The following ZC3H3 variants were observed in gnomAD, a reference collection of about 807,000 sequenced individuals.
The protein encoded by ZC3H3 is zinc finger CCCH-type containing 3.
A neutral mutation model predicts 77.3 loss-of-function variants in ZC3H3; 36 were observed. The ratio of observed to expected loss-of-function variants is 0.47; its 90% CI spans 0.36 to 0.61. ZC3H3 has a LOEUF of 0.61. Ranked by LOEUF, ZC3H3 falls within the 20% of genes least tolerant of loss-of-function variation. The pLI is 0.00. For missense variants in ZC3H3, 1,331 were observed against 1,312.2 expected (o/e 1.01, Z -0.22); for synonymous variants, 626 against 555.2 (o/e 1.13, Z -1.79).
chr8:143,541,210 G>A (rs1823002368), intron 1 of ZC3H3, among the ~76,000 whole-genome samples, 166 bp downstream of exon 1: 1 of 152,168 alleles, frequency 6.6e-6, no homozygotes, highest in Non-Finnish European at 1.5e-5. Flanking sequence ...GACTGACCCG[G>A]GCCCTGAGCC....
chr8:143,538,282 C>G lies in ZC3H3; in HGVS notation c.1085G>C (p.Arg362Thr). The change falls in exon 2 of 12, where the codon AGG (arginine) becomes ACG (threonine). Residue 362 changes from arginine (R) to threonine (T), a missense_variant. Physicochemically the swap from Arg to Thr is moderately conservative, Grantham distance 71. Around this residue, in one of 3 missense-constraint regions of ZC3H3, gnomAD observed 978 missense variants for 915.5 expected, o/e 1.07. Coordinates refer to ENST00000262577, the MANE Select transcript of ZC3H3 (RefSeq NM_015117.3). ...TGGCTTGGAGGACGTGGCTGGCTTCCTGGGCTTGGGCTCTGGGTCAGCTAT... is the reference window on the plus strand; with the variant it reads ...TGGCTTGGAGGACGTGGCTGGCTTCGTGGGCTTGGGCTCTGGGTCAGCTAT... The part of the protein sequence containing the change: ...QLIADPEPKP[R>T]KPATSSKPGS... The G allele has an allele frequency of 6.2e-7, 1 of 1,612,964 alleles. No homozygotes were observed. Among genetic ancestry groups the G allele is most frequent in the Non-Finnish European group, 8.5e-7 (1 of 1,180,016 alleles).
chr8:143,509,489 T>C (rs1469085109), intron 3 of ZC3H3, among the ~76,000 whole-genome samples: 1 of 152,154 alleles, frequency 6.6e-6, no homozygotes, highest in East Asian at 1.9e-4. Flanking sequence ...CTGCCAGCCA[T>C]GGGGCCGGGC....
chr8:143,525,234 G>C (rs765112143), intron 3 of ZC3H3, among the ~76,000 whole-genome samples: 1 of 152,270 alleles, frequency 6.6e-6, no homozygotes, highest in Non-Finnish European at 1.5e-5. Context: ...CCAGGAGCTG[G>C]TGACAGTACC....
chr8:143,475,545 C>T lies in ZC3H3; in HGVS notation c.1756G>A (p.Gly586Ser). Residue 586 changes from glycine (G) to serine (S), a missense_variant, in exon 5 of 12, where the codon GGT (glycine) becomes AGT (serine). By Grantham distance (56) the Gly-to-Ser change is moderately conservative. Transcript: ENST00000262577. ...GGGGAGCCCGGTTGGGCTTTCCCAC[C>T]CCCGCTGGCAACTGGACGCAGGCGG... is the stretch of plus-strand genomic sequence containing the variant. ...LNRLRPVASGGGKAQPGSPWW... is the reference protein window; with the variant it reads ...LNRLRPVASGSGKAQPGSPWW... 1.2e-6 allele frequency: 2 copies of T among 1,609,752 alleles called. No homozygotes were observed. The highest frequency in any genetic ancestry group is 2.2e-5 in the East Asian group (1 of 44,788).
chr8:143,468,714 T>C, intron 5 of ZC3H3, 55 bp from the exon 6 acceptor site: 1 of 1,519,612 alleles, frequency 6.6e-7, no homozygotes, highest in Admixed American at 2.3e-5. Context: ...CCGCACGCCC[T>C]TTCCCTGCTG....
At chr8:143,471,470 G>A (rs574131836) in intron 5 of ZC3H3, among the ~76,000 whole-genome samples, 3 of 152,352 alleles carry the variant, frequency 2.0e-5, no homozygotes, top group African/African-American at 7.2e-5. Context: ...AGGTGGCTGG[G>A]GGCTTTGGGG....
intron 9 of ZC3H3, among the ~76,000 whole-genome samples, chr8:143,446,101 C>A (rs1819857510): frequency 6.6e-6 from 1 of 152,138 alleles, no homozygotes; most frequent in South Asian, 2.1e-4. Context: ...CCGCTGGAAA[C>A]AATGGGCTTT....
intron 3 of ZC3H3, among the ~76,000 whole-genome samples, chr8:143,516,570 C>T (rs868211836): frequency 1.4e-5 from 2 of 146,420 alleles, no homozygotes; most frequent in Non-Finnish European, 3.0e-5. Context: ...CACACACATA[C>T]ACACACACAC....
At chr8:143,481,464 G>A (rs1034906043) in intron 4 of ZC3H3, among the ~76,000 whole-genome samples, 14 of 152,212 alleles carry the variant, frequency 9.2e-5, no homozygotes, top group East Asian at 1.9e-4. Context: ...CAGAGAGGTC[G>A]CTGTGTGACC....
rs903286168 is a variant in ZC3H3 at position 143,530,428 on chromosome 8, C to T, written c.1561+5829G>A. On this transcript the variant is annotated intron_variant, in intron 3 of 11. Coordinates refer to ENST00000262577, the MANE Select transcript of ZC3H3 (RefSeq NM_015117.3). The surrounding 1 kb of genome is among the most constrained non-coding windows in gnomAD (Gnocchi z 4.3). ...ACCACTGCCTACCCACCTACCATGA[C>T]TTTTCCCTGGCGTAAAATAGCAGAC... Among the ~76,000 whole-genome samples, 1 of 152,202 alleles carries T rather than the reference C, an allele frequency of 6.6e-6. No individual in the cohort carries two copies. The highest frequency in any genetic ancestry group is 2.4e-5 in the African/African-American group (1 of 41,452).
intron 10 of ZC3H3, 36 bp from the exon 11 acceptor site, chr8:143,440,399 G>A (rs762755755): frequency 1.5e-5 from 22 of 1,495,718 alleles, no homozygotes; most frequent in Non-Finnish European, 1.9e-5. Context: ...GTGAGGTGGG[G>A]TGACGGGTGG....
chr8:143,478,441 C>T (rs1333794616), intron 4 of ZC3H3, among the ~76,000 whole-genome samples: 5 of 152,232 alleles, frequency 3.3e-5, no homozygotes, highest in East Asian at 3.8e-4. Context: ...CCACCAGGGC[C>T]GCCCCTCAGC....
chr8:143,505,627 C>A (rs1821666474), intron 4 of ZC3H3, among the ~76,000 whole-genome samples: 1 of 152,222 alleles, frequency 6.6e-6, no homozygotes, highest in Admixed American at 6.5e-5. Context: ...AGACGCCTGG[C>A]AAGGAGTGGA....
At chr8:143,511,574 T>G (rs1359985387) in intron 3 of ZC3H3, among the ~76,000 whole-genome samples, 1 of 152,120 alleles carries the variant, frequency 6.6e-6, no homozygotes, top group African/African-American at 2.4e-5. Context: ...AAGGTGAGTA[T>G]CCTGGGGAGC....
Position 143,468,474 on chromosome 8 carries a change from C to G in ZC3H3, c.2013G>C (p.Glu671Asp). The G allele has an allele frequency of 1.2e-6, 2 of 1,609,242 alleles. No individual in the cohort carries two copies. Among genetic ancestry groups the G allele is most frequent in the South Asian group, 2.2e-5 (2 of 90,286 alleles). Residue 671 changes from glutamate (E) to aspartate (D), a missense_variant, in exon 7 of 12, where the codon GAG becomes GAC. By Grantham distance (45) the Glu-to-Asp change is conservative (BLOSUM62 2). Coordinates refer to ENST00000262577, the MANE Select transcript of ZC3H3 (RefSeq NM_015117.3). ...CGAAGCGGTTGTAGTACATGCAGTA[C>G]TCCTTCCTCTTCTCCCTGCGCTGCC... ...QARQRREKRK[E>D]YCMYYNRFGR... is the part of the protein sequence containing the mutation.
intron 9 of ZC3H3, among the ~76,000 whole-genome samples, chr8:143,450,667 G>A (rs934696495): frequency 6.6e-6 from 1 of 152,154 alleles, no homozygotes; most frequent in Admixed American, 6.5e-5. Context: ...GCAGGAGGTC[G>A]AGAGAGGGAG....
At chr8:143,479,069 G>A (rs1255682349) in intron 4 of ZC3H3, among the ~76,000 whole-genome samples, 1 of 152,214 alleles carries the variant, frequency 6.6e-6, no homozygotes, top group Non-Finnish European at 1.5e-5. Flanking sequence ...GCGCTTCCTG[G>A]TGCTCAGCAC....
chr8:143,503,221 T>A (rs1037813199), intron 4 of ZC3H3, among the ~76,000 whole-genome samples: 3 of 152,114 alleles, frequency 2.0e-5, no homozygotes, highest in African/African-American at 7.2e-5. Context: ...GGAGCACAGG[T>A]GGCACCGTGG....
intron 4 of ZC3H3, among the ~76,000 whole-genome samples, chr8:143,486,003 C>T (rs573586631): frequency 6.6e-6 from 1 of 152,364 alleles, no homozygotes; most frequent in East Asian, 1.9e-4. Context: ...GCTGGGACAG[C>T]TACCTGGGAC....
Sources: allele counts gnomAD v4.1 joint callset (sites outside exome capture counted in the v4.1 genomes callset), GRCh38; gene constraint gnomAD v4.1.1; regional missense constraint gnomAD v4.1.1; non-coding constraint Gnocchi (gnomAD v3.1); transcripts MANE v1.5; gene names NCBI Gene and HGNC (gene_info 2026-07-23, HGNC 2026-07-21).